CPA6: variants seen among roughly 807,000 people sequenced by gnomAD.
CPA6 encodes carboxypeptidase B.
A neutral mutation model predicts 63.3 loss-of-function variants in CPA6; 58 were observed. The ratio of observed to expected loss-of-function variants is 0.92; its 90% confidence interval spans 0.74 to 1.14. The LOEUF is 1.14. CPA6 is among the 50% of genes most tolerant of loss of function. CPA6 has a pLI of 0.00. For missense variants in CPA6, 565 were observed against 526.6 expected, an observed-to-expected ratio of 1.07 and a Z score of -0.71; for synonymous variants, 185 against 179.0, an observed-to-expected ratio of 1.03 and a Z score of -0.27.
intron 10 of CPA6, among the ~76,000 whole-genome samples, 177 bp from the exon 11 acceptor site, chr8:67,422,868 T>C (rs951412233): frequency 6.6e-6 from 1 of 152,326 alleles, no homozygotes; most frequent in East Asian, 1.9e-4. Context: ...ATGGAACTTA[T>C]AAATCATCCC....
At chr8:67,734,971 G>A (rs1817784962) in intron 1 of CPA6, among the ~76,000 whole-genome samples, 1 of 152,168 alleles carries the variant, frequency 6.6e-6, no homozygotes, top group Non-Finnish European at 1.5e-5. Context: ...GCTTCTGTAA[G>A]TGCAAACATA....
intron 1 of CPA6, among the ~76,000 whole-genome samples, chr8:67,629,585 T>G (rs1247427783): frequency 6.6e-6 from 1 of 151,970 alleles, no homozygotes; most frequent in Non-Finnish European, 1.5e-5. Flanking sequence ...ACAAGTAAGA[T>G]TATGTACTCA....
rs76291831 is a variant in CPA6 at position 67,563,273 on chromosome 8, G to A, written c.193-45226C>T. 1.3e-3 allele frequency among the ~76,000 whole-genome samples: 203 copies of A among 152,278 alleles called. 1 individual carries two copies. The East Asian group carries it at 0.025, about 19-fold the overall frequency. On this transcript the variant is annotated intron_variant, in intron 2 of 10. Coordinates refer to ENST00000297770, the MANE Select transcript of CPA6 (RefSeq NM_020361.5). ...ATTAAACATGCTAATCAAGAACACAGATCTGGAGACAGCTGCCTGGGTTGC... is the reference window on the plus strand; with the variant it reads ...ATTAAACATGCTAATCAAGAACACAAATCTGGAGACAGCTGCCTGGGTTGC...
chr8:67,436,332 C>T (rs1239135054), intron 8 of CPA6, among the ~76,000 whole-genome samples: 2 of 150,638 alleles, frequency 1.3e-5, no homozygotes, highest in Non-Finnish European at 2.9e-5. Context: ...TTGTCAGTCT[C>T]TTTGCATGTG....
intron 2 of CPA6, among the ~76,000 whole-genome samples, chr8:67,588,459 T>C (rs1814008731): frequency 6.6e-6 from 1 of 152,124 alleles, no homozygotes; most frequent in South Asian, 2.1e-4. Flanking sequence ...TGGGTTATTT[T>C]GGGTCTCTTG....
In CPA6 at chr8:67,428,492, C is replaced by CT. The variant is rs374227183; in HGVS notation, c.1042-362dup. On this transcript the variant is annotated intron_variant, in intron 9 of 10. Transcript: ENST00000297770. ...TTTAGTTCAAGGCAACAATTTCTTTCTTTTTTTTTTGGAAGGAGTCTCGCT... is the reference window on the plus strand; with the variant it reads ...TTTAGTTCAAGGCAACAATTTCTTTCTTTTTTTTTTTGGAAGGAGTCTCGCT... Among the ~76,000 whole-genome samples, 324 of 149,004 alleles carry CT rather than the reference C, an allele frequency of 2.2e-3. 3 individuals are homozygous for CT. The highest frequency in any genetic ancestry group is 9.4e-3 in the East Asian group (48 of 5,112).
intron 2 of CPA6, among the ~76,000 whole-genome samples, chr8:67,575,833 C>T (rs1813610194): frequency 1.4e-5 from 2 of 145,984 alleles, no homozygotes. Flanking sequence ...CAGAGTGAGA[C>T]TCTGTCTCCA....
intron 2 of CPA6, among the ~76,000 whole-genome samples, chr8:67,575,782 C>T (rs546716814): frequency 9.2e-5 from 14 of 151,728 alleles, no homozygotes; most frequent in African/African-American, 3.1e-4. Flanking sequence ...TGCTTGAATC[C>T]CAGAGGTGGA....
intron 8 of CPA6, among the ~76,000 whole-genome samples, chr8:67,448,639 G>GAAAA (rs61317091): frequency 0.054 from 1,264 of 23,264 alleles, 128 homozygotes; most frequent in African/African-American, 0.2. Context: ...CTCAAAAAAG[G>GAAAA]AAAAAAAAAA....
At chr8:67,502,022 G>A (rs1811839098) in intron 6 of CPA6, among the ~76,000 whole-genome samples, 1 of 152,056 alleles carries the variant, frequency 6.6e-6, no homozygotes, top group African/African-American at 2.4e-5. Context: ...AATTTACATG[G>A]GTAGAATTAT....
chr8:67,616,476 C>T (rs1430288498), intron 2 of CPA6, among the ~76,000 whole-genome samples: 1 of 144,488 alleles, frequency 6.9e-6, no homozygotes, highest in Admixed American at 6.9e-5. Context: ...TGTCATCCTC[C>T]ATCTGGGATT....
At chr8:67,488,666 T>G (rs1811538682) in intron 6 of CPA6, among the ~76,000 whole-genome samples, 1 of 152,222 alleles carries the variant, frequency 6.6e-6, no homozygotes. Flanking sequence ...TTCATGATAT[T>G]GATTCTTCCT....
At chr8:67,588,672 G>C (rs1263541776) in intron 2 of CPA6, among the ~76,000 whole-genome samples, 3 of 152,116 alleles carry the variant, frequency 2.0e-5, no homozygotes, top group African/African-American at 7.2e-5. Context: ...CTCAATGAAA[G>C]GGCAACTCCA....
intron 2 of CPA6, among the ~76,000 whole-genome samples, chr8:67,527,576 T>C (rs1442815455): frequency 1.3e-5 from 2 of 152,236 alleles, no homozygotes; most frequent in Non-Finnish European, 2.9e-5. Context: ...ATAATCATGC[T>C]AGACTTAATG....
chr8:67,430,137 G>A (rs973232205), intron 9 of CPA6, among the ~76,000 whole-genome samples: 31 of 81,724 alleles, frequency 3.8e-4, no homozygotes, highest in African/African-American at 2.3e-3. Context: ...ATATATGTGT[G>A]TGTGTGTGTG....
chr8:67,671,564 G>C (rs1422411783), intron 1 of CPA6, among the ~76,000 whole-genome samples: 2 of 152,164 alleles, frequency 1.3e-5, no homozygotes, highest in Non-Finnish European at 2.9e-5. Flanking sequence ...GTCTATACCT[G>C]TGTGCCCAGC....
At chr8:67,732,362 T>C (rs1466790232) in intron 1 of CPA6, among the ~76,000 whole-genome samples, 2 of 152,230 alleles carry the variant, frequency 1.3e-5, no homozygotes, top group African/African-American at 2.4e-5. Context: ...TCCTAGTTTG[T>C]TAGTTTCCTG....
chr8:67,482,205 C>A (rs1187029049), intron 8 of CPA6, among the ~76,000 whole-genome samples: 1 of 152,198 alleles, frequency 6.6e-6, no homozygotes, highest in East Asian at 1.9e-4. Flanking sequence ...CTGGCTGCTG[C>A]TAGAGTTACT....
At chr8:67,580,215 A>G (rs924088128) in intron 2 of CPA6, among the ~76,000 whole-genome samples, 4 of 152,210 alleles carry the variant, frequency 2.6e-5, no homozygotes, top group African/African-American at 9.6e-5. Flanking sequence ...AGTGATACTG[A>G]TTCTGAGCAG....
Sources: gnomAD v4.1 joint callset for allele counts (sites outside exome capture counted in the v4.1 genomes callset) on GRCh38, gnomAD v4.1.1 for gene constraint, MANE v1.5 for transcripts, NCBI Gene and HGNC (gene_info 2026-07-23, HGNC 2026-07-21) for gene names.